PHACTR2: variants seen among roughly 807,000 people sequenced by gnomAD.
PHACTR2 encodes phosphatase and actin regulator 2.
PHACTR2 carries 30 observed loss-of-function variants against 76.0 expected under a neutral mutation model. The observed-to-expected ratio is 0.39, with a 90% confidence interval of 0.30 to 0.54. The LOEUF is 0.54. Among genes scored for constraint, PHACTR2 ranks in the 20% least tolerant of loss-of-function variants. PHACTR2 has a pLI of 0.61. For missense variants in PHACTR2, 696 were observed against 781.1 expected (o/e 0.89, Z 1.30); for synonymous variants, 292 against 292.5 (o/e 1.00, Z 0.02).
rs1400588150 is a variant in PHACTR2 at position 143,653,881 on chromosome 6, A to G, written c.13+45559A>G. Among the ~76,000 whole-genome samples the G allele has an allele frequency of 6.6e-6, 1 of 152,222 alleles. No homozygotes were observed. The highest frequency in any genetic ancestry group is 1.5e-5 in the Non-Finnish European group (1 of 68,038). ...AACAATAATAATTTGGACATCATCAAACTAAAAATGTTGTGGCTCAAAGGA... is the reference window on the plus strand; with the variant it reads ...AACAATAATAATTTGGACATCATCAGACTAAAAATGTTGTGGCTCAAAGGA... On this transcript the variant is annotated intron_variant, in intron 1 of 11. Coordinates refer to the PHACTR2 transcript ENST00000305766. This position sits in a 1 kb window ranked among gnomAD's most constrained non-coding sequence, Gnocchi z 4.9.
intron 1 of PHACTR2, among the ~76,000 whole-genome samples, chr6:143,650,839 A>G (rs975372721): frequency 2.6e-5 from 4 of 152,232 alleles, no homozygotes; most frequent in African/African-American, 9.6e-5. Context: ...AATGGAATCT[A>G]ATCAAACTAA....
rs554387276 is a variant in PHACTR2 at position 143,578,281 on chromosome 6, AT to A, written c.217+41075del. ...TTAGCAGTTCCCCTTTGTCAGTGCA[AT>A]GCCTCATCCTCCATGTTTCCCCTTC... On this transcript the variant is annotated intron_variant, in intron 1 of 11. Coordinates refer to the PHACTR2 transcript ENST00000367584. This position sits in a 1 kb window ranked among gnomAD's most constrained non-coding sequence, Gnocchi z 4.5. Among the ~76,000 whole-genome samples the A allele has an allele frequency of 1.8e-4, 28 of 152,274 alleles. No individual in the cohort carries two copies. The highest frequency in any genetic ancestry group is 5.8e-4 in the African/African-American group (24 of 41,544).
intron 1 of PHACTR2, among the ~76,000 whole-genome samples, chr6:143,593,754 C>T (rs1582688497): frequency 6.6e-6 from 1 of 152,212 alleles, no homozygotes; most frequent in Admixed American, 6.5e-5. Flanking sequence ...ATTGAATGCC[C>T]ACGAGGAGCT....
At position 143,818,535 on chromosome 6, in the gene PHACTR2, A is replaced by G. The variant is rs1325123823; in HGVS notation, c.1923-5139A>G. Among the ~76,000 whole-genome samples, 4 of 152,234 alleles carry G rather than the reference A, an allele frequency of 2.6e-5. No homozygotes were observed. Among genetic ancestry groups the G allele is most frequent in the Non-Finnish European group, 5.9e-5 (4 of 68,038 alleles). ...GTTATTATTATCTGTGTATTAGTCC[A>G]TTCTCATGCTGTTATAAGGACATAC... On this transcript the variant is annotated intron_variant, in intron 12 of 12. Transcript: ENST00000440869. This position sits in a 1 kb window ranked among gnomAD's most constrained non-coding sequence, Gnocchi z 4.9.
intron 1 of PHACTR2, among the ~76,000 whole-genome samples, chr6:143,588,820 G>C (rs528101344): frequency 6.6e-6 from 1 of 152,194 alleles, no homozygotes; most frequent in South Asian, 2.1e-4. Flanking sequence ...TAAACAATTT[G>C]ATATCTATGA....
upstream of PHACTR2, among the ~76,000 whole-genome samples, chr6:143,606,687 A>G (rs981421643): frequency 1.3e-5 from 2 of 152,096 alleles, no homozygotes; most frequent in South Asian, 4.1e-4. Context: ...TGGAGCTTAT[A>G]ACACTCACTC....
upstream of PHACTR2, among the ~76,000 whole-genome samples, chr6:143,607,021 T>G (rs1457394429): frequency 6.6e-6 from 1 of 152,170 alleles, no homozygotes; most frequent in Non-Finnish European, 1.5e-5. Flanking sequence ...ACAAAAATAC[T>G]TAAACCTAGA....
intron 1 of PHACTR2, among the ~76,000 whole-genome samples, chr6:143,626,536 C>CAAAAAAAAAAAAAAA (rs35107482): frequency 9.0e-5 from 11 of 122,306 alleles, no homozygotes; most frequent in Non-Finnish European, 1.2e-4. Flanking sequence ...GACTCCGTCT[C>CAAAAAAAAAAAAAAA]AAAAAAAAAA....
At chr6:143,741,068 C>G (rs993738914) in intron 2 of PHACTR2, among the ~76,000 whole-genome samples, 3 of 151,744 alleles carry the variant, frequency 2.0e-5, no homozygotes, top group Non-Finnish European at 4.4e-5. Context: ...GCCAACATGG[C>G]GAAAACCCAT....
rs747846024 is a variant in PHACTR2, at chr6:143,774,081, C to A, written c.1455C>A (p.Arg485=). The change falls in exon 8 of 13, where the codon CGC becomes CGA. Residue 485 remains arginine, a synonymous_variant. Coordinates refer to ENST00000440869, the MANE Select transcript of PHACTR2 (RefSeq NM_001100164.2). The surrounding 1 kb of genome is among the most constrained non-coding windows in gnomAD (Gnocchi z 5.4). The stretch of plus-strand genomic sequence containing the variant: ...CAGGTGCTTTGGCAAGTAAAATACG[C>A]CGGAGGGATACTCTTGCTATCAAAC... ...SGESALASKI[R]RRDTLAIKLG... The A allele has an allele frequency of 9.9e-6, 16 of 1,613,402 alleles. No homozygotes were observed. The highest frequency in any genetic ancestry group is 1.2e-5 in the Non-Finnish European group (14 of 1,179,710).
chr6:143,721,207 T>C (rs1001983237), intron 2 of PHACTR2, among the ~76,000 whole-genome samples: 1 of 152,216 alleles, frequency 6.6e-6, no homozygotes, highest in African/African-American at 2.4e-5. Context: ...GAAATAATAA[T>C]GCATTATTGC....
chr6:143,781,297 T>C (rs943046056), intron 9 of PHACTR2, among the ~76,000 whole-genome samples: 2 of 152,236 alleles, frequency 1.3e-5, no homozygotes, highest in African/African-American at 4.8e-5. Context: ...TAGACATCAC[T>C]GTTACCTGGT....
rs778641296 is a variant in PHACTR2, at chr6:143,765,426, C to T, written c.860C>T (p.Thr287Ile). Residue 287 changes from threonine to isoleucine, a missense_variant, in exon 6 of 13, where the codon ACT becomes ATT. Thr to Ile is a moderately conservative substitution (Grantham distance 89). This residue lies in a region of PHACTR2 where 460 missense variants were observed against 450.9 expected (regional missense o/e 1.02). Coordinates refer to ENST00000440869, the MANE Select transcript of PHACTR2 (RefSeq NM_001100164.2). This position sits in a 1 kb window ranked among gnomAD's most constrained non-coding sequence, Gnocchi z 4.1. Reference protein sequence around the residue: ...GKRKTDKQPITSHLSSDTTTS... With the variant: ...GKRKTDKQPIISHLSSDTTTS... ...AGAAAAACTGACAAGCAGCCAATAA[C>T]TTCTCACCTGTCCTCAGACACAACA... The T allele has an allele frequency of 1.2e-6, 2 of 1,614,236 alleles. No homozygotes were observed. Among genetic ancestry groups the T allele is most frequent in the South Asian group, 2.2e-5 (2 of 91,082 alleles).
Position 143,697,883 on chromosome 6 carries a change from C to T in PHACTR2, c.47-14133C>T, listed in dbSNP as rs1297698771. ...GAATAAAATCAACTTGCTCCCTGTC[C>T]TCATGGGACTCCTAATCTAGTGGTG... is the stretch of plus-strand genomic sequence containing the variant. On this transcript the variant is annotated intron_variant, in intron 1 of 12. Coordinates refer to ENST00000440869, the MANE Select transcript of PHACTR2 (RefSeq NM_001100164.2). This position sits in a 1 kb window ranked among gnomAD's most constrained non-coding sequence, Gnocchi z 4.4. Among the ~76,000 whole-genome samples, 1 of 152,146 alleles carries T rather than the reference C, an allele frequency of 6.6e-6. No homozygotes were observed. The highest frequency in any genetic ancestry group is 1.5e-5 in the Non-Finnish European group (1 of 68,016).
At position 143,547,959 on chromosome 6, in the gene PHACTR2, A is replaced by G. The variant is rs1056266673; in HGVS notation, c.217+10752A>G. Among the ~76,000 whole-genome samples, 5 of 152,024 alleles carry G rather than the reference A, an allele frequency of 3.3e-5. No homozygotes were observed. Among genetic ancestry groups the G allele is most frequent in the African/African-American group, 4.8e-5 (2 of 41,358 alleles). ...TCATCCATCATCTATTAATCTATCT[A>G]TCTTCATCATCATCATCATGTGTAT... On this transcript the variant is annotated intron_variant, in intron 1 of 11. Coordinates refer to the PHACTR2 transcript ENST00000367584. This position sits in a 1 kb window ranked among gnomAD's most constrained non-coding sequence, Gnocchi z 4.2.
chr6:143,755,404 G>T lies in PHACTR2; in HGVS notation c.454+1492G>T, dbSNP rs967978010. 23 of 455,930 alleles carry T rather than the reference G, an allele frequency of 5.0e-5. 2 individuals carry two copies. The Admixed American group carries it at 5.2e-4, about 10-fold the overall frequency. 28.2% of individuals were successfully genotyped at this position (455,930 alleles called of 1,614,324 possible). A position where few individuals can be genotyped will look rare whatever the true frequency, so the allele number is the denominator to read the frequency against. ...CGTAACAGTGCCATCTCTGGTGCCTGGTCCGTGCAGGGTATTCGTCACTGG... is the reference window on the plus strand; with the variant it reads ...CGTAACAGTGCCATCTCTGGTGCCTTGTCCGTGCAGGGTATTCGTCACTGG... On this transcript the variant is annotated intron_variant, in intron 4 of 12. Transcript: ENST00000440869. The surrounding 1 kb of genome is among the most constrained non-coding windows in gnomAD (Gnocchi z 5.2).
chr6:143,564,807 A>G (rs930257548), intron 1 of PHACTR2, among the ~76,000 whole-genome samples: 1 of 152,188 alleles, frequency 6.6e-6, no homozygotes, highest in Non-Finnish European at 1.5e-5. Flanking sequence ...TCCCTAAAAT[A>G]ACAACTGCAA....
rs531309038 is a variant in PHACTR2, at chr6:143,780,776, G to A, written c.1646-2443G>A. ...TCTGCTCTGATGAGAGTCACTGAGA[G>A]CAAGATTTGTCAATGAACCACGTCA... On this transcript the variant is annotated intron_variant, in intron 9 of 12. Coordinates refer to ENST00000440869, the MANE Select transcript of PHACTR2 (RefSeq NM_001100164.2). This position sits in a 1 kb window ranked among gnomAD's most constrained non-coding sequence, Gnocchi z 4.4. 1.6e-4 allele frequency among the ~76,000 whole-genome samples: 25 copies of A among 152,280 alleles called. No individual in the cohort carries two copies. The East Asian group carries it at 4.8e-3, about 29-fold the overall frequency.
Position 143,738,680 on chromosome 6 carries a change from C to T in PHACTR2, c.215-10305C>T, listed in dbSNP as rs1778872547. 2.0e-5 allele frequency among the ~76,000 whole-genome samples: 3 copies of T among 151,620 alleles called. No individual in the cohort carries two copies. Among genetic ancestry groups the T allele is most frequent in the East Asian group, 3.9e-4 (2 of 5,138 alleles). ...CTAAGGTGAGAGGATGGCTTGAGCC[C>T]GGGAGGCGGAGGCTGCAGTGAGCCA... On this transcript the variant is annotated intron_variant, in intron 2 of 12. Coordinates refer to ENST00000440869, the MANE Select transcript of PHACTR2 (RefSeq NM_001100164.2). The surrounding 1 kb of genome is among the most constrained non-coding windows in gnomAD (Gnocchi z 4.0).
Sources: allele counts gnomAD v4.1 joint callset (sites outside exome capture counted in the v4.1 genomes callset), GRCh38; gene constraint gnomAD v4.1.1; regional missense constraint gnomAD v4.1.1; non-coding constraint Gnocchi (gnomAD v3.1); transcripts MANE v1.5; gene names NCBI Gene and HGNC (gene_info 2026-07-23, HGNC 2026-07-21).